CA10: variants seen among roughly 807,000 people sequenced by gnomAD.
CA10 encodes carbonic anhydrase-related protein 10.
In CA10, 14 loss-of-function variants were observed where a neutral mutation model predicts 44.2. That is an observed-to-expected ratio of 0.32 (90% CI 0.21 to 0.50). CA10 has a LOEUF of 0.50. Ranked by LOEUF, CA10 falls within the 20% of genes least tolerant of loss-of-function variation. The pLI is 0.99. For missense variants in CA10, 350 were observed against 409.7 expected (o/e 0.85, Z 1.26); for synonymous variants, 159 against 141.6 (o/e 1.12, Z -0.87).
At chr17:51,821,352 A>G (rs1265954864) in intron 3 of CA10, among the ~76,000 whole-genome samples, 1 of 151,766 alleles carries the variant, frequency 6.6e-6, no homozygotes, top group East Asian at 1.9e-4. Context: ...ATATTGAACG[A>G]CCATCCACTA....
chr17:51,649,154 G>T, intron 6 of CA10, 28 bp downstream of exon 6: 1 of 1,527,546 alleles, frequency 6.5e-7, no homozygotes, highest in East Asian at 2.2e-5. Flanking sequence ...TAGAATAGTT[G>T]CTGTGGAGGA....
chr17:51,692,211 C>A (rs1915220183), intron 4 of CA10, among the ~76,000 whole-genome samples: 1 of 141,500 alleles, frequency 7.1e-6, no homozygotes, highest in Non-Finnish European at 1.5e-5. Context: ...ATAGCTTTTA[C>A]TTCTTTGGTT....
chr17:51,769,830 TTGA>T (rs1350568238), intron 3 of CA10, among the ~76,000 whole-genome samples: 1 of 152,150 alleles, frequency 6.6e-6, no homozygotes, highest in African/African-American at 2.4e-5. Context: ...GCCAACGTGG[TTGA>T]TGATGGGAGG....
At chr17:51,816,515 C>T (rs922291966) in intron 3 of CA10, among the ~76,000 whole-genome samples, 2 of 152,094 alleles carry the variant, frequency 1.3e-5, no homozygotes, top group African/African-American at 4.8e-5. Flanking sequence ...GAAAAATGGC[C>T]TCTTTATTGT....
intron 4 of CA10, among the ~76,000 whole-genome samples, chr17:51,730,742 C>G (rs1259012757): frequency 6.6e-6 from 1 of 152,108 alleles, no homozygotes; most frequent in Non-Finnish European, 1.5e-5. Flanking sequence ...GAAGCTTAGC[C>G]TCTGTGCAAG....
chr17:51,926,373 A>C (rs2143983621), intron 3 of CA10, among the ~76,000 whole-genome samples: 1 of 152,344 alleles, frequency 6.6e-6, no homozygotes, highest in South Asian at 2.1e-4. Flanking sequence ...AGTTTTAAAA[A>C]TAATTTGTTG....
intron 6 of CA10, among the ~76,000 whole-genome samples, chr17:51,644,267 CCCGCTGCCT>C (rs1567786574): frequency 6.6e-6 from 1 of 152,092 alleles, no homozygotes; most frequent in Non-Finnish European, 1.5e-5. Flanking sequence ...GTGATTTCAC[CCCGCTGCCT>C]CCATGTGTGC....
At chr17:51,845,777 G>A (rs752260064) in intron 3 of CA10, among the ~76,000 whole-genome samples, 1 of 152,148 alleles carries the variant, frequency 6.6e-6, no homozygotes, top group African/African-American at 2.4e-5. Flanking sequence ...CTGTCATATA[G>A]GCCCATCATC....
chr17:51,851,313 G>A (rs978781543), intron 3 of CA10, among the ~76,000 whole-genome samples: 28 of 152,112 alleles, frequency 1.8e-4, no homozygotes, highest in Admixed American at 1.6e-3. Context: ...TCAACACAGC[G>A]GCCCTGCTCC....
chr17:52,115,165 T>C (rs1661741540), intron 1 of CA10, among the ~76,000 whole-genome samples: 1 of 152,224 alleles, frequency 6.6e-6, no homozygotes, highest in Non-Finnish European at 1.5e-5. Context: ...TGTGGTGGCC[T>C]GGTATTCAAT....
chr17:52,042,089 C>T (rs1048014072), intron 2 of CA10, among the ~76,000 whole-genome samples: 2 of 152,052 alleles, frequency 1.3e-5, no homozygotes, highest in Non-Finnish European at 2.9e-5. Context: ...ATACTGATGT[C>T]ATTTCCTTTG....
intron 4 of CA10, among the ~76,000 whole-genome samples, chr17:51,729,187 T>C (rs1916628017): frequency 6.6e-6 from 1 of 152,192 alleles, no homozygotes; most frequent in Non-Finnish European, 1.5e-5. Flanking sequence ...TACACCTTGC[T>C]ATTCCTCAAA....
At chr17:51,947,077 G>GCTAC (rs1983306499) in intron 2 of CA10, among the ~76,000 whole-genome samples, 1 of 152,006 alleles carries the variant, frequency 6.6e-6, no homozygotes, top group African/African-American at 2.4e-5. Context: ...TGCTTCCATT[G>GCTAC]TCTCAGAAAT....
chr17:52,072,203 C>T (rs1219734255), intron 2 of CA10, 116 bp downstream of exon 2: 3 of 683,508 alleles, frequency 4.4e-6, no homozygotes, highest in Non-Finnish European at 4.9e-6. Flanking sequence ...ATGGAGTATT[C>T]ATTGCACACA....
At chr17:52,007,860 G>T (rs1985654831) in intron 2 of CA10, among the ~76,000 whole-genome samples, 1 of 151,404 alleles carries the variant, frequency 6.6e-6, no homozygotes, top group Admixed American at 6.6e-5. Context: ...TTCTAAGAAA[G>T]ACATTTTATA....
At chr17:51,719,389 G>A (rs1210465026) in intron 4 of CA10, among the ~76,000 whole-genome samples, 1 of 152,192 alleles carries the variant, frequency 6.6e-6, no homozygotes, top group African/African-American at 2.4e-5. Flanking sequence ...AGAAAGTTGA[G>A]TCATTGGGGA....
chr17:51,639,016 A>C (rs1171428183), intron 6 of CA10, among the ~76,000 whole-genome samples: 1 of 152,152 alleles, frequency 6.6e-6, no homozygotes, highest in Non-Finnish European at 1.5e-5. Context: ...GGGTCAGCAC[A>C]GACCACACCA....
chr17:52,139,794 T>G lies in CA10; in HGVS notation c.61+17932A>C, dbSNP rs939134139. On this transcript the variant is annotated intron_variant, in intron 1 of 8. Coordinates refer to ENST00000451037, the MANE Select transcript of CA10 (RefSeq NM_020178.5). ...TCCTCTCAATAGAATCAGAGATGGA[T>G]AAGAAGTCCCTCATAGGGTTAGAGA... Among the ~76,000 whole-genome samples the G allele has an allele frequency of 3.2e-4, 49 of 152,132 alleles. 1 individual carries two copies. Among genetic ancestry groups the G allele is most frequent in the Non-Finnish European group, 5.9e-5 (4 of 68,026 alleles).
chr17:52,035,678 G>A (rs993687607), intron 2 of CA10, among the ~76,000 whole-genome samples: 10 of 152,286 alleles, frequency 6.6e-5, no homozygotes, highest in African/African-American at 2.2e-4. Context: ...GGATGCTGCC[G>A]TGGGGCCCAC....
Sources: gnomAD v4.1 joint callset for allele counts (sites outside exome capture counted in the v4.1 genomes callset) on GRCh38, gnomAD v4.1.1 for gene constraint, MANE v1.5 for transcripts, NCBI Gene and HGNC (gene_info 2026-07-23, HGNC 2026-07-21) for gene names.